PLIN1: variants seen among roughly 807,000 people sequenced by gnomAD.
The protein encoded by PLIN1 is perilipin 1, also known as perilipin-1.
A neutral mutation model predicts 45.8 loss-of-function variants in PLIN1; 37 were observed. That is an observed-to-expected ratio of 0.81 (90% confidence interval 0.62 to 1.06). PLIN1 has a LOEUF of 1.06. Ranked by LOEUF, PLIN1 falls within the 50% of genes least tolerant of loss-of-function variation. The pLI is 0.00. For synonymous variants in PLIN1, 340 were observed against 309.2 expected (o/e 1.10, Z -1.05); for missense variants, 776 against 716.5 (o/e 1.08, Z -0.95).
intron 2 of PLIN1, among the ~76,000 whole-genome samples, chr15:89,675,854 C>T (rs1301105881): frequency 6.6e-6 from 1 of 152,068 alleles, no homozygotes; most frequent in Non-Finnish European, 1.5e-5. Context: ...AGCCAGGATT[C>T]CAACACAAGT....
At chr15:89,671,275 C>G (rs1377003572) in intron 4 of PLIN1, among the ~76,000 whole-genome samples, 1 of 152,060 alleles carries the variant, frequency 6.6e-6, no homozygotes, top group Non-Finnish European at 1.5e-5. Flanking sequence ...GCCTGCTGGT[C>G]CCAGAAACCC....
chr15:89,670,961 T>C (rs1303121415), intron 4 of PLIN1, among the ~76,000 whole-genome samples: 2 of 152,098 alleles, frequency 1.3e-5, no homozygotes, highest in Non-Finnish European at 2.9e-5. Flanking sequence ...GTCAGTGAGA[T>C]AGATGAGGTC....
intron 6 of PLIN1, 55 bp from the exon 7 acceptor site, chr15:89,667,848 G>A: frequency 6.5e-7 from 1 of 1,538,684 alleles, no homozygotes; most frequent in Non-Finnish European, 8.7e-7. Flanking sequence ...GAAGGCCAGG[G>A]AGCCCCAGCA....
intron 7 of PLIN1, 46 bp downstream of exon 7, chr15:89,667,556 C>A (rs1184320294): frequency 6.2e-7 from 1 of 1,614,116 alleles, no homozygotes; most frequent in Non-Finnish European, 8.5e-7. Flanking sequence ...GCTTCTCACC[C>A]CTTCTGTGGG....
chr15:89,669,777 A>G, intron 5 of PLIN1, 105 bp from the exon 6 acceptor site: 1 of 1,082,724 alleles, frequency 9.2e-7, no homozygotes, highest in Non-Finnish European at 1.3e-6. Flanking sequence ...GGTCCACCAC[A>G]AACTCACTGG....
At position 89,665,736 on chromosome 15, in the gene PLIN1, G is replaced by A. The variant is rs1290934047; in HGVS notation, c.1416C>T (p.Asp472=). The A allele has an allele frequency of 4.8e-6, 7 of 1,448,348 alleles. No individual in the cohort carries two copies. The East Asian group carries it at 1.8e-4, about 37-fold the overall frequency. 89.7% of individuals were successfully genotyped at this position (1,448,348 alleles called of 1,614,324 possible). Residue 472 remains aspartate (D), a synonymous_variant, in exon 9 of 9, where the codon GAC becomes GAT. Transcript: ENST00000300055. The stretch of plus-strand genomic sequence containing the variant: ...GCGGCGCTGCGGGCGTGGCGACTTC[G>A]TCCTCCAGGCCCGGGCCGGGGGGCG... ...PGAPPGPGLE[D]EVATPAAPRP...
chr15:89,666,368 C>T (rs1049186366), intron 8 of PLIN1, among the ~76,000 whole-genome samples: 2 of 152,102 alleles, frequency 1.3e-5, no homozygotes, highest in Non-Finnish European at 2.9e-5. Flanking sequence ...GAGTAACCCA[C>T]CCCCTTACCA....
intron 2 of PLIN1, chr15:89,677,182 TC>T: frequency 5.5e-6 from 3 of 548,346 alleles, no homozygotes; most frequent in African/African-American, 1.9e-5. Flanking sequence ...TCCTCTCCAC[TC>T]CCCCCGTCCC....
chr15:89,678,239 G>A (rs1298995158), intron 1 of PLIN1, among the ~76,000 whole-genome samples: 3 of 151,908 alleles, frequency 2.0e-5, no homozygotes, highest in Admixed American at 6.5e-5. Context: ...GCCAGGCGCG[G>A]TGGCTCAGGC....
intron 5 of PLIN1, 138 bp from the exon 6 acceptor site, chr15:89,669,810 C>T (rs1410180680): frequency 4.2e-6 from 3 of 716,542 alleles, no homozygotes; most frequent in Non-Finnish European, 6.7e-6. Context: ...CTCACTTTCC[C>T]TCTTTACAGA....
intron 5 of PLIN1, 76 bp downstream of exon 5, chr15:89,669,901 GGTT>G: frequency 6.9e-7 from 1 of 1,454,542 alleles, no homozygotes; most frequent in South Asian, 1.2e-5. Flanking sequence ...AGCAGTGGCT[GGTT>G]GAGCCACCTC....
At chr15:89,673,018 A>G (rs1032574605) in intron 3 of PLIN1, among the ~76,000 whole-genome samples, 192 bp downstream of exon 3, 1 of 152,260 alleles carries the variant, frequency 6.6e-6, no homozygotes, top group African/African-American at 2.4e-5. Flanking sequence ...ATAGATAGGC[A>G]TCTATAGAAG....
Position 89,677,430 on chromosome 15 carries a change from G to T in PLIN1, c.45+15C>A. The T allele has an allele frequency of 6.2e-7, 1 of 1,609,234 alleles. No individual in the cohort carries two copies. Among genetic ancestry groups the T allele is most frequent in the Non-Finnish European group, 8.5e-7 (1 of 1,175,580 alleles). On this transcript the variant is annotated intron_variant, in intron 2 of 8. Coordinates refer to ENST00000300055, the MANE Select transcript of PLIN1 (RefSeq NM_002666.5). ...GTTGTCCATCCCCTGTCACAGATGA[G>T]CCCAAGTTACTTACAGGGAGGTCTC... is the stretch of plus-strand genomic sequence containing the variant.
At chr15:89,674,536 C>A (rs1166647420) in intron 2 of PLIN1, among the ~76,000 whole-genome samples, 1 of 152,152 alleles carries the variant, frequency 6.6e-6, no homozygotes, top group Middle Eastern at 3.2e-3. Flanking sequence ...CCATTGCGCC[C>A]AGCCAAGACT....
chr15:89,665,529 G>T lies in PLIN1; in HGVS notation c.*54C>A. 6.6e-7 allele frequency: 1 copy of T among 1,513,102 alleles called. No homozygotes were observed. 93.7% of individuals were successfully genotyped at this position (1,513,102 alleles called of 1,614,324 possible). A position where few individuals can be genotyped will look rare whatever the true frequency, so the allele number is the denominator to read the frequency against. The stretch of plus-strand genomic sequence containing the variant: ...CGCTCGCCTGGGCAGTGCGGGTTCT[G>T]TTTATTTGTTAGAGAAACCCGCCGG... On this transcript the variant is annotated 3_prime_UTR_variant, in exon 9 of 9. Transcript: ENST00000300055.
chr15:89,672,061 G>A (rs1964449260), intron 3 of PLIN1, among the ~76,000 whole-genome samples: 1 of 152,220 alleles, frequency 6.6e-6, no homozygotes. Flanking sequence ...AGATGGCAGT[G>A]AGGCCTTGGG....
At chr15:89,675,422 C>CAAAAA (rs71151523) in intron 2 of PLIN1, among the ~76,000 whole-genome samples, 2 of 62,586 alleles carry the variant, frequency 3.2e-5, no homozygotes, top group East Asian at 5.3e-4. Context: ...CTCTGAGCCA[C>CAAAAA]AAAAAAAAAA....
chr15:89,677,148 TCAGGGTTTAAA>T, intron 2 of PLIN1: 3 of 477,574 alleles, frequency 6.3e-6, no homozygotes, highest in Non-Finnish European at 1.2e-5. Context: ...GGCTTCTGCG[TCAGGGTTTAAA>T]CAGTAGTTTC....
At position 89,665,601 on chromosome 15, in the gene PLIN1, C is replaced by A. The variant is rs1168613712; in HGVS notation, c.1551G>T (p.Gln517His). ...EPILGRTHYSQLRKKS is the reference protein window; with the variant it reads ...EPILGRTHYSHLRKKS ...CGGCGACTCAGCTCTTCTTGCGCAGCTGGCTGTAATGCGTGCGGCCCAGGA... is the reference window on the plus strand; with the variant it reads ...CGGCGACTCAGCTCTTCTTGCGCAGATGGCTGTAATGCGTGCGGCCCAGGA... Residue 517 changes from glutamine to histidine, a missense_variant, in exon 9 of 9, where the codon CAG (glutamine) becomes CAT (histidine). Physicochemically the swap from Gln to His is conservative, Grantham distance 24. Coordinates refer to ENST00000300055, the MANE Select transcript of PLIN1 (RefSeq NM_002666.5). The A allele has an allele frequency of 1.3e-6, 2 of 1,530,770 alleles. No individual in the cohort carries two copies. Among genetic ancestry groups the A allele is most frequent in the South Asian group, 2.4e-5 (2 of 83,236 alleles). 94.8% of individuals were successfully genotyped at this position (1,530,770 alleles called of 1,614,324 possible).
Sources: gnomAD v4.1 joint callset for allele counts (sites outside exome capture counted in the v4.1 genomes callset) on GRCh38, gnomAD v4.1.1 for gene constraint, MANE v1.5 for transcripts, NCBI Gene and HGNC (gene_info 2026-07-23, HGNC 2026-07-21) for gene names.